Variants in SMAD4 observed in about 807,000 individuals in gnomAD.
SMAD4 encodes SMAD family member 4.
Under a neutral mutation model 63.2 loss-of-function variants are expected in SMAD4, and 7 were observed. That is an observed-to-expected ratio of 0.11 (90% confidence interval 0.06 to 0.21). The LOEUF (loss-of-function observed/expected upper bound fraction) is 0.21, where lower values mean the gene tolerates loss of function less well. Among genes scored for constraint, SMAD4 ranks in the 10% least tolerant of loss-of-function variants. The pLI, the probability that SMAD4 is intolerant of heterozygous loss-of-function variation, is 1.00. For missense variants in SMAD4, 312 were observed against 693.8 expected, an observed-to-expected ratio of 0.45 and a Z score of 6.18; for synonymous variants, 215 against 235.4, an observed-to-expected ratio of 0.91 and a Z score of 0.79.
chr18:51,048,808 T>C lies in SMAD4; in HGVS notation c.372T>C (p.Asp124=), dbSNP rs1555685178. The C allele has an allele frequency of 1.2e-6, 2 of 1,614,102 alleles. No homozygotes were observed. Among genetic ancestry groups the C allele is most frequent in the Non-Finnish European group, 1.7e-6 (2 of 1,179,932 alleles). Residue 124 remains aspartate (D), a synonymous_variant, in exon 3 of 12, where the codon GAT becomes GAC. Coordinates refer to ENST00000342988, the MANE Select transcript of SMAD4 (RefSeq NM_005359.6). The stretch of plus-strand genomic sequence containing the variant: ...AGTATGCGTTTGACTTAAAATGTGA[T>C]AGTGTCTGTGTGAATCCATATCACT... The part of the protein sequence containing the change: ...YCQYAFDLKC[D]SVCVNPYHYE...
rs1599207094 is a variant in SMAD4, at chr18:51,080,300, C to T, written c.*1833C>T. The T allele has an allele frequency of 4.3e-6, 1 of 232,050 alleles. No individual in the cohort carries two copies. The highest frequency in any genetic ancestry group is 8.5e-6 in the Non-Finnish European group (1 of 117,438). 14.4% of individuals were successfully genotyped at this position (232,050 alleles called of 1,614,324 possible). The stretch of plus-strand genomic sequence containing the variant: ...TGACTTTTGTCTTTAAATAACTTAT[C>T]TACCACCTCATTTGTACTCTTGATT... On this transcript the variant is annotated 3_prime_UTR_variant, in exon 12 of 12. Coordinates refer to ENST00000342988, the MANE Select transcript of SMAD4 (RefSeq NM_005359.6).
intron 4 of SMAD4, among the ~76,000 whole-genome samples, chr18:51,050,018 TA>T (rs1312051431): frequency 3.9e-5 from 6 of 152,170 alleles, no homozygotes; most frequent in Non-Finnish European, 8.8e-5. Flanking sequence ...CTTAATAAAC[TA>T]AAATTTCTGT....
At chr18:51,049,799 CTT>C (rs1909653468) in intron 4 of SMAD4, among the ~76,000 whole-genome samples, 1 of 152,080 alleles carries the variant, frequency 6.6e-6, no homozygotes, top group South Asian at 2.1e-4. Flanking sequence ...AAATTGCACT[CTT>C]TTGTATTTTT....
intron 8 of SMAD4, 107 bp downstream of exon 8, chr18:51,060,023 T>C (rs1909964514): frequency 6.2e-6 from 5 of 810,684 alleles, no homozygotes; most frequent in Middle Eastern, 2.3e-4. Context: ...CTCAGATGAG[T>C]ACAATACTCA....
At chr18:51,070,468 A>G (rs1432355183) in intron 10 of SMAD4, among the ~76,000 whole-genome samples, 1 of 152,174 alleles carries the variant, frequency 6.6e-6, no homozygotes, top group Non-Finnish European at 1.5e-5. Flanking sequence ...ATTTGTGTAT[A>G]TTAACTAAGA....
chr18:51,083,576 T>G lies in SMAD4; in HGVS notation c.*5109T>G, dbSNP rs1403887346. 1 of 228,264 alleles carries G rather than the reference T, an allele frequency of 4.4e-6. No individual in the cohort carries two copies. The highest frequency in any genetic ancestry group is 5.7e-5 in the Admixed American group (1 of 17,616). 14.1% of individuals were successfully genotyped at this position (228,264 alleles called of 1,614,324 possible). A position where few individuals can be genotyped will look rare whatever the true frequency, so the allele number is the denominator to read the frequency against. On this transcript the variant is annotated 3_prime_UTR_variant, in exon 12 of 12. Coordinates refer to ENST00000342988, the MANE Select transcript of SMAD4 (RefSeq NM_005359.6). Reference sequence around the variant, plus strand: ...TTTATTTAAATGCTTTCTCAATAGGTCCAGAGCCAGTGTTCTTGTTCAACC... The same window carrying G: ...TTTATTTAAATGCTTTCTCAATAGGGCCAGAGCCAGTGTTCTTGTTCAACC...
chr18:51,074,279 G>A (rs1287472091), intron 10 of SMAD4, among the ~76,000 whole-genome samples: 1 of 151,580 alleles, frequency 6.6e-6, no homozygotes, highest in Non-Finnish European at 1.5e-5. Context: ...TAGTTGGGAG[G>A]CTGATGTGGG....
At chr18:51,042,959 G>A (rs994651956) in intron 1 of SMAD4, among the ~76,000 whole-genome samples, 1 of 152,170 alleles carries the variant, frequency 6.6e-6, no homozygotes, top group Admixed American at 6.5e-5. Context: ...TGAATTTGTA[G>A]CTGTCACATT....
At chr18:51,065,637 A>G (rs2144448272) in intron 9 of SMAD4, 31 bp downstream of exon 9, 3 of 1,585,878 alleles carry the variant, frequency 1.9e-6, no homozygotes, top group East Asian at 2.2e-5. Context: ...TAGTTACTTT[A>G]AAAAATTGAG....
chr18:51,046,160 C>T (rs1261858669), intron 1 of SMAD4, among the ~76,000 whole-genome samples: 1 of 152,096 alleles, frequency 6.6e-6, no homozygotes, highest in African/African-American at 2.4e-5. Context: ...CATATTTACT[C>T]TGTTTAACAT....
intron 1 of SMAD4, among the ~76,000 whole-genome samples, chr18:51,042,317 C>A (rs1285564943): frequency 7.6e-6 from 1 of 131,420 alleles, no homozygotes; most frequent in Non-Finnish European, 1.6e-5. Flanking sequence ...CCCTCCCTCC[C>A]TCCCTCCCTC....
rs528447677 is a variant in SMAD4, at chr18:51,081,335, C to G, written c.*2868C>G. ...CATTCCATGTTTGTCCAGTGCCTTT[C>G]AGTGCATTATCAAAGGGAATCCTTC... On this transcript the variant is annotated 3_prime_UTR_variant, in exon 12 of 12. Transcript: ENST00000342988. 3.5e-5 allele frequency: 8 copies of G among 228,814 alleles called. No individual in the cohort carries two copies. The highest frequency in any genetic ancestry group is 6.9e-5 in the Non-Finnish European group (8 of 115,450). The allele number at this position is 228,814 out of a possible 1,614,324, so 14.2% of individuals were successfully genotyped here.
At position 51,046,938 on chromosome 18, in the gene SMAD4, C is replaced by G. The variant is rs757567812; in HGVS notation, c.-109C>G. The G allele has an allele frequency of 1.1e-6, 1 of 936,424 alleles. No homozygotes were observed. The highest frequency in any genetic ancestry group is 2.5e-5 in the East Asian group (1 of 39,466). 58.0% of individuals were successfully genotyped at this position (936,424 alleles called of 1,614,324 possible). On this transcript the variant is annotated 5_prime_UTR_variant, in exon 2 of 12. Coordinates refer to ENST00000342988, the MANE Select transcript of SMAD4 (RefSeq NM_005359.6). The stretch of plus-strand genomic sequence containing the variant: ...TTTTTAGGTTATCCTGAATACATGT[C>G]TAACAATTTTCCTTGCAACGTTAGC...
intron 1 of SMAD4, among the ~76,000 whole-genome samples, chr18:51,034,510 C>T (rs1482582654): frequency 6.6e-6 from 1 of 152,202 alleles, no homozygotes; most frequent in Non-Finnish European, 1.5e-5. Context: ...CTCAGCCTCC[C>T]AAGGTGCTGG....
chr18:51,053,577 T>C (rs1039552875), intron 4 of SMAD4: 1 of 152,166 alleles, frequency 6.6e-6, no homozygotes, highest in Non-Finnish European at 1.5e-5. Context: ...TCATGACTTT[T>C]GATGCATGAA....
chr18:51,050,992 C>G (rs1909694950), intron 4 of SMAD4: 1 of 155,108 alleles, frequency 6.4e-6, no homozygotes. Flanking sequence ...AACTCTGCTT[C>G]TTTGCTACGC....
rs1051342921 is a variant in SMAD4 at position 51,030,271 on chromosome 18, G to C, written c.-480G>C. The C allele has an allele frequency of 6.5e-6, 1 of 152,858 alleles. No individual in the cohort carries two copies. Among genetic ancestry groups the C allele is most frequent in the Non-Finnish European group, 1.5e-5 (1 of 68,198 alleles). The allele number at this position is 152,858 out of a possible 1,614,324, so 9.5% of individuals were successfully genotyped here. A position where few individuals can be genotyped will look rare whatever the true frequency, so the allele number is the denominator to read the frequency against. On this transcript the variant is annotated 5_prime_UTR_variant, in exon 1 of 12. Transcript: ENST00000342988. ...CAACACGGCCCTGGTCGTCGTCGCC[G>C]CTGCGGTAACGGAGCGGTTTGGGTG...
chr18:51,036,046 A>T (rs1233786381), intron 1 of SMAD4, among the ~76,000 whole-genome samples: 1 of 152,126 alleles, frequency 6.6e-6, no homozygotes, highest in Non-Finnish European at 1.5e-5. Context: ...ACATCATCAT[A>T]GCCCTCTATA....
At chr18:51,059,233 A>G (rs1023079624) in intron 7 of SMAD4, among the ~76,000 whole-genome samples, 1 of 152,192 alleles carries the variant, frequency 6.6e-6, no homozygotes, top group African/African-American at 2.4e-5. Flanking sequence ...TCTTAAGAGA[A>G]TGTAATTTTT....
Sources: gnomAD v4.1 joint callset for allele counts (sites outside exome capture counted in the v4.1 genomes callset) on GRCh38, gnomAD v4.1.1 for gene constraint, MANE v1.5 for transcripts, NCBI Gene and HGNC (gene_info 2026-07-23, HGNC 2026-07-21) for gene names.